AGBL1: variants seen among roughly 807,000 people sequenced by gnomAD.
AGBL1 encodes cytosolic carboxypeptidase 4.
AGBL1 carries 130 observed loss-of-function variants against 118.9 expected under a neutral mutation model. The observed-to-expected ratio is 1.09, with a 90% CI of 0.95 to 1.26. The LOEUF is 1.26. Among genes scored for constraint, AGBL1 ranks in the 50% most tolerant of loss-of-function variants. The pLI, the probability that AGBL1 is intolerant of heterozygous loss-of-function variation, is 0.00. For missense variants in AGBL1, 1,584 were observed against 1,298.1 expected (o/e 1.22, Z -3.38); for synonymous variants, 555 against 478.9 (o/e 1.16, Z -2.08).
intron 17 of AGBL1, among the ~76,000 whole-genome samples, chr15:86,330,079 A>G (rs1369039945): frequency 6.6e-6 from 1 of 152,206 alleles, no homozygotes; most frequent in Non-Finnish European, 1.5e-5. Context: ...CCTACCATCA[A>G]GAGACCTTTA....
chr15:86,629,398 C>G (rs1043843534), intron 21 of AGBL1, among the ~76,000 whole-genome samples: 1 of 152,054 alleles, frequency 6.6e-6, no homozygotes, highest in Non-Finnish European at 1.5e-5. Flanking sequence ...TGGCATGAGT[C>G]TTATGATTAT....
At chr15:86,270,699 C>A (rs1397374255) in intron 14 of AGBL1, among the ~76,000 whole-genome samples, 2 of 152,298 alleles carry the variant, frequency 1.3e-5, no homozygotes, top group East Asian at 3.9e-4. Context: ...AGTGACTAAA[C>A]AGATTCCTGT....
chr15:86,324,492 C>G (rs1254663396), intron 17 of AGBL1, among the ~76,000 whole-genome samples: 1 of 150,768 alleles, frequency 6.6e-6, no homozygotes, highest in African/African-American at 2.5e-5. Flanking sequence ...TGCATTCATT[C>G]ATTAGTTTAT....
intron 18 of AGBL1, among the ~76,000 whole-genome samples, chr15:86,474,590 G>A (rs140193748): frequency 0.056 from 8,527 of 152,306 alleles, 266 homozygotes; most frequent in Non-Finnish European, 0.072. Context: ...GCTCGAACTG[G>A]GTGGAGCCCA....
At chr15:86,152,757 A>G (rs2077131107) in intron 3 of AGBL1, among the ~76,000 whole-genome samples, 1 of 152,242 alleles carries the variant, frequency 6.6e-6, no homozygotes, top group Non-Finnish European at 1.5e-5. Context: ...AAATTTTGCA[A>G]TCTACCTATC....
At chr15:86,224,598 C>T (rs190788519) in intron 5 of AGBL1, among the ~76,000 whole-genome samples, 27 of 152,114 alleles carry the variant, frequency 1.8e-4, no homozygotes, top group Admixed American at 5.9e-4. Context: ...AAGAGCTCTG[C>T]CTGGTATGAA....
chr15:86,594,285 G>A (rs1262500393), intron 21 of AGBL1, among the ~76,000 whole-genome samples: 1 of 152,054 alleles, frequency 6.6e-6, no homozygotes, highest in Admixed American at 6.6e-5. Context: ...CTTTTCATAT[G>A]TTGCTAGAGT....
chr15:86,445,780 TG>T (rs1317878827), intron 18 of AGBL1, among the ~76,000 whole-genome samples: 2 of 152,152 alleles, frequency 1.3e-5, no homozygotes, highest in African/African-American at 4.8e-5. Flanking sequence ...AAAGGGAGCT[TG>T]GTGTCCCAAA....
intron 22 of AGBL1, among the ~76,000 whole-genome samples, chr15:86,830,441 G>A (rs755141589): frequency 2.6e-5 from 4 of 152,108 alleles, no homozygotes; most frequent in Non-Finnish European, 4.4e-5. Context: ...CTACCACCAA[G>A]GAGGCTTCAG....
intron 23 of AGBL1, among the ~76,000 whole-genome samples, chr15:86,933,458 G>T (rs2080630071): frequency 6.6e-6 from 1 of 152,166 alleles, no homozygotes; most frequent in African/African-American, 2.4e-5. Flanking sequence ...GAGGTCGCAA[G>T]ATTTGTGACT....
At chr15:86,413,057 C>A (rs911401543) in intron 18 of AGBL1, among the ~76,000 whole-genome samples, 33 of 152,040 alleles carry the variant, frequency 2.2e-4, no homozygotes, top group African/African-American at 7.5e-4. Flanking sequence ...TATTTTGATT[C>A]TAGATCCTGC....
At chr15:87,024,758 C>A (rs1960899) in intron 24 of AGBL1, among the ~76,000 whole-genome samples, 10,345 of 151,922 alleles carry the variant, frequency 0.068, 528 homozygotes, top group East Asian at 0.28. Context: ...TAACTGAATC[C>A]AACAATATAT....
At chr15:86,228,751 T>C (rs140725784) in intron 6 of AGBL1, among the ~76,000 whole-genome samples, 31 of 152,320 alleles carry the variant, frequency 2.0e-4, no homozygotes, top group African/African-American at 7.5e-4. Context: ...AAAGCCAGTG[T>C]AGAATATGTG....
chr15:86,755,485 G>C (rs1299040645), intron 22 of AGBL1, among the ~76,000 whole-genome samples: 3 of 152,078 alleles, frequency 2.0e-5, no homozygotes, highest in Non-Finnish European at 4.4e-5. Flanking sequence ...TCTTCAAGGA[G>C]CAATGGACAC....
chr15:86,352,319 C>T (rs1055898130), intron 17 of AGBL1, among the ~76,000 whole-genome samples: 3 of 152,154 alleles, frequency 2.0e-5, no homozygotes, highest in Non-Finnish European at 4.4e-5. Flanking sequence ...CCCATTTCTT[C>T]CTTTTATTGA....
At chr15:86,512,942 G>T (rs1183265307) in intron 18 of AGBL1, among the ~76,000 whole-genome samples, 1 of 150,126 alleles carries the variant, frequency 6.7e-6, no homozygotes, top group African/African-American at 2.4e-5. Context: ...CTTTTTTCAA[G>T]TTATAACTTT....
At chr15:86,755,930 G>T (rs563981659) in intron 22 of AGBL1, among the ~76,000 whole-genome samples, 2 of 152,192 alleles carry the variant, frequency 1.3e-5, no homozygotes, top group South Asian at 2.1e-4. Flanking sequence ...CCAAGAGCTG[G>T]TTCCTAAAAG....
At chr15:86,754,364 C>A (rs972894587) in intron 22 of AGBL1, among the ~76,000 whole-genome samples, 2 of 151,994 alleles carry the variant, frequency 1.3e-5, no homozygotes, top group African/African-American at 4.8e-5. Flanking sequence ...TCAAGGGTAC[C>A]AAGGAATTTA....
intron 1 of AGBL1, among the ~76,000 whole-genome samples, chr15:86,083,100 C>G (rs1360568798): frequency 6.6e-6 from 1 of 152,146 alleles, no homozygotes; most frequent in Non-Finnish European, 1.5e-5. Flanking sequence ...TATGATTTCC[C>G]TCGTTGAGTA....
Sources: gnomAD v4.1 joint callset for allele counts (sites outside exome capture counted in the v4.1 genomes callset) on GRCh38, gnomAD v4.1.1 for gene constraint, MANE v1.5 for transcripts, NCBI Gene and HGNC (gene_info 2026-07-23, HGNC 2026-07-21) for gene names.